The following RAB9B variants were observed in gnomAD, a reference collection of about 807,000 sequenced individuals.
The protein encoded by RAB9B is ras-related protein Rab-9B.
In RAB9B, 1 loss-of-function variant was observed where a neutral mutation model predicts 8.9. The ratio of observed to expected loss-of-function variants is 0.11; its 90% CI spans 0.04 to 0.53. The LOEUF (loss-of-function observed/expected upper bound fraction) is 0.53, where lower values mean the gene tolerates loss of function less well. Among genes scored for constraint, RAB9B ranks in the 20% least tolerant of loss-of-function variants. RAB9B has a pLI of 0.93. For missense variants in RAB9B, 82 were observed against 152.9 expected (o/e 0.54, Z 2.45); for synonymous variants, 63 against 57.0 (o/e 1.10, Z -0.47).
At chrX:103,786,765 G>A in the RAB9B span, 1 of 1,197,461 alleles carries the variant, frequency 8.4e-7, no homozygotes, top group Non-Finnish European at 1.1e-6. Context: ...AACAAGGGGT[G>A]GGGGAAAATT....
At chrX:103,831,714 A>G (rs1286221288) in intron 1 of RAB9B, among the ~76,000 whole-genome samples, 1 of 109,284 alleles carries the variant, frequency 9.2e-6, no homozygotes, top group Non-Finnish European at 1.9e-5. Flanking sequence ...GATGTCACAC[A>G]TAGTCCCAAC....
At chrX:103,815,010 A>G in the RAB9B span, among the ~76,000 whole-genome samples, 3 of 112,318 alleles carry the variant, frequency 2.7e-5, no homozygotes, top group African/African-American at 9.7e-5. Context: ...CCAGAGGTAC[A>G]AAGGGGAGAT....
the RAB9B span, among the ~76,000 whole-genome samples, chrX:103,811,176 T>C: frequency 8.9e-6 from 1 of 112,044 alleles, no homozygotes; most frequent in Non-Finnish European, 1.9e-5. Context: ...ATTGACTCTG[T>C]GGCAGGCATT....
At chrX:103,813,423 TGTCGCCAA>T in the RAB9B span, among the ~76,000 whole-genome samples, 85 of 107,989 alleles carry the variant, frequency 7.9e-4, no homozygotes, top group Non-Finnish European at 1.3e-3. Flanking sequence ...TACTGCAATC[TGTCGCCAA>T]TGATATCACA....
chrX:103,827,709 C>T (rs1198430949), intron 1 of RAB9B, among the ~76,000 whole-genome samples: 2 of 111,784 alleles, frequency 1.8e-5, no homozygotes, highest in Admixed American at 1.9e-4. Flanking sequence ...TTCTGTCACC[C>T]AGGCTGGAGT....
the RAB9B span, among the ~76,000 whole-genome samples, chrX:103,804,542 C>T: frequency 2.1e-4 from 23 of 111,453 alleles, no homozygotes; most frequent in Middle Eastern, 0.019. Context: ...TTTTTGCAAA[C>T]AAAACAAGAC....
At position 103,825,704 on chromosome X, in the gene RAB9B, G is replaced by A. The variant is rs141822799; in HGVS notation, c.81C>T (p.Tyr27=). The A allele has an allele frequency of 1.9e-5, 23 of 1,206,500 alleles. No homozygotes were observed. Among genetic ancestry groups the A allele is most frequent in the East Asian group, 1.5e-4 (5 of 33,724 alleles). Residue 27 remains tyrosine (Y), a synonymous_variant, in exon 3 of 3, where the codon TAC becomes TAT. Transcript: ENST00000243298. Reference sequence around the variant, plus strand: ...CCTGGGAGTCAAATTTGTTGGTTACGTAACGGTTCATAAGCGAACTTTTCC... The same window carrying A: ...CCTGGGAGTCAAATTTGTTGGTTACATAACGGTTCATAAGCGAACTTTTCC... ...GVGKSSLMNR[Y]VTNKFDSQAF...
the RAB9B span, among the ~76,000 whole-genome samples, chrX:103,779,551 C>G: frequency 1.8e-5 from 2 of 112,028 alleles, no homozygotes; most frequent in African/African-American, 3.2e-5. Flanking sequence ...TCAAGTGCAG[C>G]CTTCTCTACC....
the RAB9B span, among the ~76,000 whole-genome samples, chrX:103,781,973 C>A: frequency 0.57 from 119 of 207 alleles, 2 homozygotes; most frequent in Admixed American, 0.68. Flanking sequence ...ATTGTTCACA[C>A]ATACCCAAGG....
chrX:103,814,098 C>T, the RAB9B span, among the ~76,000 whole-genome samples: 7 of 111,543 alleles, frequency 6.3e-5, no homozygotes, highest in African/African-American at 9.8e-5. Context: ...TAATAGACAT[C>T]TACAGAACTC....
the RAB9B span, among the ~76,000 whole-genome samples, chrX:103,780,437 C>CTGTGTGTG: frequency 6.8e-4 from 60 of 87,877 alleles, no homozygotes; most frequent in Admixed American, 3.0e-3. Context: ...TTCTGTCTCT[C>CTGTGTGTG]TCTGTGTGTG....
chrX:103,828,374 T>G (rs1422438074), intron 1 of RAB9B, among the ~76,000 whole-genome samples: 1 of 112,382 alleles, frequency 8.9e-6, no homozygotes, highest in Admixed American at 9.4e-5. Context: ...GCTCCCAAAT[T>G]GCTGTCTTTG....
the RAB9B span, chrX:103,776,958 A>T: frequency 8.4e-7 from 1 of 1,196,189 alleles, no homozygotes; most frequent in African/African-American, 1.7e-5. Context: ...AAAGCAGACT[A>T]GCCAGCCGGC....
At chrX:103,780,662 T>C in the RAB9B span, 1 of 111,626 alleles carries the variant, frequency 9.0e-6, no homozygotes, top group African/African-American at 3.3e-5. Flanking sequence ...CACTTGAATG[T>C]GGTATATAAG....
At chrX:103,786,317 C>A in the RAB9B span, 3 of 1,056,294 alleles carry the variant, frequency 2.8e-6, no homozygotes, top group African/African-American at 3.7e-5. Context: ...AAGGTGAAAG[C>A]ATGCAGGAGG....
At chrX:103,780,879 A>G in the RAB9B span, 56 of 116,966 alleles carry the variant, frequency 4.8e-4, 1 homozygote, top group Admixed American at 3.0e-3. Flanking sequence ...CAACTACTGC[A>G]GGCCCTGATC....
the RAB9B span, chrX:103,792,623 C>T: frequency 4.4e-5 from 5 of 112,432 alleles, no homozygotes; most frequent in African/African-American, 6.5e-5. Flanking sequence ...AATCAAACAT[C>T]GTGTCCTTTG....
the RAB9B span, among the ~76,000 whole-genome samples, chrX:103,789,914 A>C: frequency 1.8e-5 from 2 of 112,102 alleles, no homozygotes; most frequent in Non-Finnish European, 1.9e-5. Context: ...GCTATGTCCC[A>C]GGTCTTGCTG....
At chrX:103,782,871 G>T in the RAB9B span, among the ~76,000 whole-genome samples, 4 of 112,078 alleles carry the variant, frequency 3.6e-5, no homozygotes, top group African/African-American at 1.3e-4. Context: ...AGGCTTCTTT[G>T]TCCGGGGGAG....
Sources: gnomAD v4.1 joint callset for allele counts (sites outside exome capture counted in the v4.1 genomes callset) on GRCh38, gnomAD v4.1.1 for gene constraint, MANE v1.5 for transcripts, NCBI Gene and HGNC (gene_info 2026-07-23, HGNC 2026-07-21) for gene names.